ASAP1: variants seen among roughly 807,000 people sequenced by gnomAD.
ASAP1 encodes arf-GAP with SH3 domain, ANK repeat and PH domain-containing protein 1.
A neutral mutation model predicts 145.2 loss-of-function variants in ASAP1; 43 were observed. The ratio of observed to expected loss-of-function variants is 0.30; its 90% CI spans 0.23 to 0.38. The LOEUF is 0.38. Ranked by LOEUF, ASAP1 falls within the 10% of genes least tolerant of loss-of-function variation. The pLI is 1.00. For missense variants in ASAP1, 1,018 were observed against 1,355.3 expected (o/e 0.75, Z 3.91); for synonymous variants, 546 against 515.5 (o/e 1.06, Z -0.80).
intron 20 of ASAP1, 147 bp downstream of exon 20, chr8:130,118,014 C>T (rs1375898779): frequency 2.2e-5 from 12 of 552,506 alleles, no homozygotes; most frequent in Non-Finnish European, 3.7e-5. Flanking sequence ...AGAGAGACTT[C>T]ATGCCTGCAA....
At chr8:130,093,051 C>T (rs938955690) in intron 24 of ASAP1, among the ~76,000 whole-genome samples, 1 of 151,814 alleles carries the variant, frequency 6.6e-6, no homozygotes, top group African/African-American at 2.4e-5. Flanking sequence ...AGAAACCAAA[C>T]CATCTGTTAT....
intron 2 of ASAP1, among the ~76,000 whole-genome samples, chr8:130,392,763 G>A (rs1828341288): frequency 6.6e-6 from 1 of 152,128 alleles, no homozygotes; most frequent in Admixed American, 6.5e-5. Flanking sequence ...GGGAAGGGGA[G>A]CCAGCATGTG....
intron 25 of ASAP1, among the ~76,000 whole-genome samples, chr8:130,080,476 C>CTTTTTTTT (rs1564936185): frequency 7.2e-6 from 1 of 138,700 alleles, no homozygotes. Context: ...TTCATTCTCT[C>CTTTTTTTT]TCTTTTTTTT....
intron 3 of ASAP1, among the ~76,000 whole-genome samples, chr8:130,292,391 C>T (rs1489016196): frequency 2.0e-5 from 3 of 152,154 alleles, no homozygotes; most frequent in Admixed American, 1.3e-4. Context: ...GAATGAGGAA[C>T]CAATTATCTG....
chr8:130,368,441 C>A (rs972040164), intron 2 of ASAP1, among the ~76,000 whole-genome samples: 2 of 152,186 alleles, frequency 1.3e-5, no homozygotes, highest in Non-Finnish European at 2.9e-5. Flanking sequence ...TCTCCTACAT[C>A]CCCTTCTTGT....
chr8:130,236,898 A>C, intron 4 of ASAP1, 24 bp downstream of exon 4: 1 of 1,468,150 alleles, frequency 6.8e-7, no homozygotes, highest in Non-Finnish European at 9.3e-7. Context: ...AATTCATGTT[A>C]CCTCATTTTT....
intron 27 of ASAP1, among the ~76,000 whole-genome samples, chr8:130,072,068 C>T (rs2097447793): frequency 1.3e-5 from 2 of 152,188 alleles, no homozygotes; most frequent in Non-Finnish European, 2.9e-5. Flanking sequence ...GGTCTTAAAA[C>T]ACCTTCCATG....
intron 13 of ASAP1, among the ~76,000 whole-genome samples, chr8:130,137,263 A>G (rs768704247): frequency 6.6e-6 from 1 of 152,266 alleles, no homozygotes; most frequent in African/African-American, 2.4e-5. Context: ...TAAGTTTAGT[A>G]AAGTTTTATT....
chr8:130,115,878 C>G (rs1293942593), intron 22 of ASAP1, 143 bp from the exon 23 acceptor site: 1 of 637,720 alleles, frequency 1.6e-6, no homozygotes, highest in African/African-American at 1.8e-5. Context: ...TCTGCTTAGA[C>G]AAGCTGCACT....
intron 5 of ASAP1, among the ~76,000 whole-genome samples, chr8:130,207,401 T>C (rs1440315342): frequency 6.6e-6 from 1 of 152,172 alleles, no homozygotes; most frequent in African/African-American, 2.4e-5. Flanking sequence ...TCATAGGTAT[T>C]TCACATAAAT....
chr8:130,156,188 C>T (rs2135986355), intron 12 of ASAP1, among the ~76,000 whole-genome samples: 1 of 152,290 alleles, frequency 6.6e-6, no homozygotes, highest in East Asian at 1.9e-4. Context: ...TCAAAAATTA[C>T]CAACGCAAAT....
chr8:130,126,483 A>G (rs1287814808), intron 16 of ASAP1, among the ~76,000 whole-genome samples: 1 of 152,106 alleles, frequency 6.6e-6, no homozygotes, highest in Non-Finnish European at 1.5e-5. Flanking sequence ...ACTAACATTA[A>G]CCTCAACAGT....
chr8:130,196,689 A>G (rs1037500207), intron 5 of ASAP1, among the ~76,000 whole-genome samples: 1 of 152,166 alleles, frequency 6.6e-6, no homozygotes, highest in African/African-American at 2.4e-5. Context: ...TCCACTGCCC[A>G]TTGGTTCTCT....
chr8:130,257,345 A>G (rs1819625668), intron 3 of ASAP1, among the ~76,000 whole-genome samples: 2 of 152,214 alleles, frequency 1.3e-5, no homozygotes, highest in African/African-American at 4.8e-5. Flanking sequence ...AAGGTCCACT[A>G]AGAACAAACA....
At position 130,121,771 on chromosome 8, in the gene ASAP1, T is replaced by A. The variant is rs868752283; in HGVS notation, c.1607+2242A>T. Among the ~76,000 whole-genome samples the A allele has an allele frequency of 8.7e-5, 8 of 92,254 alleles. 1 individual carries two copies. The highest frequency in any genetic ancestry group is 0.013 in the Middle Eastern group (1 of 78). The allele number at this position is 92,254 out of a possible 152,430, so 60.5% of individuals were successfully genotyped here. The stretch of plus-strand genomic sequence containing the variant: ...TGCACTCCAGCCTAGGCTATGAGAG[T>A]GAAATTCCATCTCAAAAAAAAAAAA... On this transcript the variant is annotated intron_variant, in intron 18 of 29. Transcript: ENST00000518721.
rs1170372282 is a variant in ASAP1 at position 130,347,566 on chromosome 8, G to A, written c.186+10451C>T. Among the ~76,000 whole-genome samples, 3 of 152,338 alleles carry A rather than the reference G, an allele frequency of 2.0e-5. No individual in the cohort carries two copies. The East Asian group carries it at 5.8e-4, about 29-fold the overall frequency. On this transcript the variant is annotated intron_variant, in intron 3 of 29. Coordinates refer to ENST00000518721, the MANE Select transcript of ASAP1 (RefSeq NM_018482.4). ...GCTGTGTGATCTGGGTATAAACGGTGTGCTTCCCTATCCTCCTACTCTCCT... is the reference window on the plus strand; with the variant it reads ...GCTGTGTGATCTGGGTATAAACGGTATGCTTCCCTATCCTCCTACTCTCCT...
Position 130,060,949 on chromosome 8 carries a change from G to A in ASAP1, c.2822C>T (p.Pro941Leu). ...PQKPPPGDLP[P>L]KPTELAPKPQ... ...CTTGGGGGCCAGTTCTGTGGGCTTTGGGGGCAGGTCTCCAGGTGGTGGCTT... is the reference window on the plus strand; with the variant it reads ...CTTGGGGGCCAGTTCTGTGGGCTTTAGGGGCAGGTCTCCAGGTGGTGGCTT... The change falls in exon 28 of 30, where the codon CCA (proline) becomes CTA (leucine). Residue 941 changes from proline (P) to leucine (L), a missense_variant. Coordinates refer to ENST00000518721, the MANE Select transcript of ASAP1 (RefSeq NM_018482.4). The A allele has an allele frequency of 1.2e-6, 2 of 1,607,012 alleles. No individual in the cohort carries two copies. Among genetic ancestry groups the A allele is most frequent in the Non-Finnish European group, 1.7e-6 (2 of 1,176,274 alleles).
intron 3 of ASAP1, among the ~76,000 whole-genome samples, chr8:130,348,626 T>C (rs1825827182): frequency 6.6e-6 from 1 of 152,164 alleles, no homozygotes. Flanking sequence ...TGCCCACAAA[T>C]AATTAAAACT....
intron 3 of ASAP1, among the ~76,000 whole-genome samples, chr8:130,254,443 C>T (rs1164549470): frequency 6.6e-6 from 1 of 152,108 alleles, no homozygotes; most frequent in Non-Finnish European, 1.5e-5. Flanking sequence ...TAAATGATAG[C>T]TGCGGCATGA....
Sources: allele counts gnomAD v4.1 joint callset (sites outside exome capture counted in the v4.1 genomes callset), GRCh38; gene constraint gnomAD v4.1.1; transcripts MANE v1.5; gene names NCBI Gene and HGNC (gene_info 2026-07-23, HGNC 2026-07-21).